CALN1: variants seen among roughly 807,000 people sequenced by gnomAD.
CALN1 encodes the protein calcium-binding protein 8.
In CALN1, 17 loss-of-function variants were observed where a neutral mutation model predicts 30.6. The observed-to-expected ratio is 0.56, with a 90% confidence interval of 0.38 to 0.83. The LOEUF is 0.83. Among genes scored for constraint, CALN1 ranks in the 40% least tolerant of loss-of-function variants. CALN1 has a pLI of 0.00. For missense variants in CALN1, 291 were observed against 354.9 expected, an observed-to-expected ratio of 0.82 and a Z score of 1.45; for synonymous variants, 156 against 131.4, an observed-to-expected ratio of 1.19 and a Z score of -1.28.
At chr7:72,403,133 G>T in intron 2 of CALN1, 118 bp downstream of exon 2, 1 of 688,608 alleles carries the variant, frequency 1.5e-6, no homozygotes. Flanking sequence ...CCATTTCATA[G>T]ATTCTCCTCT....
chr7:72,341,929 T>C (rs1802403442), intron 2 of CALN1, among the ~76,000 whole-genome samples: 1 of 151,980 alleles, frequency 6.6e-6, no homozygotes. Context: ...CAAGGATCTC[T>C]TGCCTTAGGA....
intron 3 of CALN1, among the ~76,000 whole-genome samples, chr7:72,117,769 C>T (rs1483828433): frequency 6.6e-6 from 1 of 151,990 alleles, no homozygotes; most frequent in African/African-American, 2.4e-5. Context: ...ACCAGCCTGG[C>T]CAACATGGCG....
intron 5 of CALN1, among the ~76,000 whole-genome samples, chr7:71,859,953 G>A (rs552747853): frequency 1.3e-5 from 2 of 152,274 alleles, no homozygotes; most frequent in South Asian, 4.1e-4. Flanking sequence ...ACTCAGGAAT[G>A]TCCTAATATC....
chr7:72,078,807 G>T (rs369495968), intron 4 of CALN1, among the ~76,000 whole-genome samples: 9 of 152,114 alleles, frequency 5.9e-5, no homozygotes, highest in East Asian at 1.9e-4. Flanking sequence ...GTGGTGGCAG[G>T]CACCTGTAAT....
chr7:72,074,123 G>T (rs1804578082), intron 4 of CALN1, among the ~76,000 whole-genome samples: 2 of 152,110 alleles, frequency 1.3e-5, no homozygotes, highest in Admixed American at 1.3e-4. Context: ...GTTAAAACAT[G>T]AACAAAACTA....
intron 3 of CALN1, among the ~76,000 whole-genome samples, chr7:72,186,447 T>G (rs529823020): frequency 1.1e-4 from 16 of 152,148 alleles, no homozygotes; most frequent in Admixed American, 8.5e-4. Flanking sequence ...AACTGTACAT[T>G]CGGGGGTACA....
intron 2 of CALN1, among the ~76,000 whole-genome samples, chr7:72,397,891 T>C (rs370498580): frequency 2.6e-5 from 4 of 152,156 alleles, no homozygotes; most frequent in Admixed American, 6.5e-5. Context: ...AAGGATGAGC[T>C]TGATGAAGGT....
chr7:72,161,035 G>A (rs1788070441), intron 3 of CALN1, among the ~76,000 whole-genome samples: 1 of 152,168 alleles, frequency 6.6e-6, no homozygotes, highest in Non-Finnish European at 1.5e-5. Context: ...GGGATATCTT[G>A]TGCTTTTCTG....
At chr7:72,052,788 G>C (rs1802918764) in intron 4 of CALN1, among the ~76,000 whole-genome samples, 1 of 152,212 alleles carries the variant, frequency 6.6e-6, no homozygotes, top group Non-Finnish European at 1.5e-5. Context: ...AGCCTTTGAA[G>C]CACTTGGTTC....
intron 3 of CALN1, among the ~76,000 whole-genome samples, chr7:72,237,150 A>C (rs1482634758): frequency 6.6e-6 from 1 of 151,680 alleles, no homozygotes; most frequent in Non-Finnish European, 1.5e-5. Context: ...ACACCTGGCT[A>C]ATTTTCTATT....
chr7:71,797,609 T>TC (rs1440932726), intron 6 of CALN1, among the ~76,000 whole-genome samples: 1 of 152,138 alleles, frequency 6.6e-6, no homozygotes, highest in Non-Finnish European at 1.5e-5. Flanking sequence ...TGGGAGCTGG[T>TC]CCCTTCTCCT....
chr7:71,796,620 A>G (rs541693193), intron 6 of CALN1, among the ~76,000 whole-genome samples: 1 of 151,952 alleles, frequency 6.6e-6, no homozygotes, highest in Non-Finnish European at 1.5e-5. Flanking sequence ...GGCCTCCCAA[A>G]GTGCTGAGAT....
intron 5 of CALN1, among the ~76,000 whole-genome samples, chr7:71,946,447 A>C (rs1477372708): frequency 1.3e-5 from 2 of 148,416 alleles, no homozygotes; most frequent in Non-Finnish European, 3.0e-5. Flanking sequence ...AGCTCACTGC[A>C]GCCTTGACCT....
intron 3 of CALN1, among the ~76,000 whole-genome samples, chr7:72,168,436 A>C (rs368929467): frequency 3.3e-5 from 5 of 152,300 alleles, no homozygotes; most frequent in African/African-American, 1.2e-4. Flanking sequence ...CAGTAGTAAA[A>C]TTACATTTTC....
intron 2 of CALN1, among the ~76,000 whole-genome samples, chr7:72,340,379 G>A (rs1802325524): frequency 6.6e-6 from 1 of 150,438 alleles, no homozygotes; most frequent in African/African-American, 2.5e-5. Context: ...GTGGGCCTCT[G>A]CTCCCAGATG....
rs896489630 is a variant in CALN1 at position 72,398,006 on chromosome 7, G to T, written c.119+5245C>A. On this transcript the variant is annotated intron_variant, in intron 2 of 6. Coordinates refer to ENST00000395275, the MANE Select transcript of CALN1 (RefSeq NM_031468.4). ...TAGGGCCGATGAGTTCGGCACCACT[G>T]AAGTCCAGAAGAGCCAAGCATTGTG... 5.9e-5 allele frequency among the ~76,000 whole-genome samples: 9 copies of T among 152,228 alleles called. No individual in the cohort carries two copies. In the South Asian group the frequency reaches 8.3e-4, roughly 14 times the overall value.
At chr7:71,929,426 T>G (rs572097123) in intron 5 of CALN1, among the ~76,000 whole-genome samples, 28 of 152,378 alleles carry the variant, frequency 1.8e-4, no homozygotes, top group African/African-American at 6.7e-4. Flanking sequence ...CTGAGGATAA[T>G]GGCTTCCAGC....
chr7:72,242,629 T>C (rs1413238116), intron 3 of CALN1, among the ~76,000 whole-genome samples: 2 of 152,218 alleles, frequency 1.3e-5, no homozygotes, highest in African/African-American at 4.8e-5. Context: ...GGCTCAAACA[T>C]GTAATCCTAA....
intron 5 of CALN1, among the ~76,000 whole-genome samples, chr7:71,887,146 G>T (rs1792959889): frequency 6.6e-6 from 1 of 152,076 alleles, no homozygotes; most frequent in African/African-American, 2.4e-5. Flanking sequence ...TAGGGGTGGG[G>T]GTGTCAGGAG....
Sources: gnomAD v4.1 joint callset for allele counts (sites outside exome capture counted in the v4.1 genomes callset) on GRCh38, gnomAD v4.1.1 for gene constraint, MANE v1.5 for transcripts, NCBI Gene and HGNC (gene_info 2026-07-23, HGNC 2026-07-21) for gene names.